Variants in SCAMP2 observed in about 807,000 individuals in gnomAD.
The protein encoded by SCAMP2 is secretory carrier-associated membrane protein 2.
In SCAMP2, 25 loss-of-function variants were observed where a neutral mutation model predicts 44.1. The observed-to-expected ratio is 0.57, with a 90% CI of 0.41 to 0.79. The LOEUF is 0.79. Among genes scored for constraint, SCAMP2 ranks in the 30% least tolerant of loss-of-function variants. The pLI is 0.00. For missense variants in SCAMP2, 355 were observed against 411.0 expected (o/e 0.86, Z 1.18); for synonymous variants, 156 against 166.0 (o/e 0.94, Z 0.46).
chr15:74,870,396 A>C (rs2064567786), intron 1 of SCAMP2, among the ~76,000 whole-genome samples: 1 of 152,198 alleles, frequency 6.6e-6, no homozygotes, highest in Non-Finnish European at 1.5e-5. Flanking sequence ...ACAGCAGCAG[A>C]CTTTTTATTT....
At position 74,844,780 on chromosome 15, in the gene SCAMP2, G is replaced by A; in HGVS notation, c.*303C>T. Reference sequence around the variant, plus strand: ...AGCCTGTGATCCCAACTGTGTGGGGGTGTCTGTGTGTGCACAGGACGAAGA... The same window carrying A: ...AGCCTGTGATCCCAACTGTGTGGGGATGTCTGTGTGTGCACAGGACGAAGA... On this transcript the variant is annotated 3_prime_UTR_variant, in exon 9 of 9. Transcript: ENST00000268099. The A allele has an allele frequency of 3.5e-6, 1 of 285,584 alleles. No individual in the cohort carries two copies. 17.7% of individuals were successfully genotyped at this position (285,584 alleles called of 1,614,324 possible).
At chr15:74,851,529 G>T (rs1294349168) in intron 4 of SCAMP2, 48 bp from the exon 5 acceptor site, 1 of 1,606,440 alleles carries the variant, frequency 6.2e-7, no homozygotes, top group African/African-American at 1.3e-5. Flanking sequence ...GCCTCAGAAG[G>T]GGCATCAAGG....
intron 1 of SCAMP2, among the ~76,000 whole-genome samples, chr15:74,862,292 C>CAAAAAAGA (rs1431645432): frequency 1.1e-5 from 1 of 87,648 alleles, no homozygotes; most frequent in Non-Finnish European, 2.5e-5. Context: ...AAAAAAAATT[C>CAAAAAAGA]CTGGCCAGGT....
chr15:74,850,803 C>G, intron 5 of SCAMP2, 130 bp from the exon 6 acceptor site: 1 of 887,650 alleles, frequency 1.1e-6, no homozygotes, highest in Non-Finnish European at 1.7e-6. Flanking sequence ...GGAGCCCGCT[C>G]TGTACCTAGG....
In SCAMP2 at chr15:74,873,270, A is replaced by T; in HGVS notation, c.-15T>A. 6.8e-7 allele frequency: 1 copy of T among 1,479,942 alleles called. No individual in the cohort carries two copies. Among genetic ancestry groups the T allele is most frequent in the South Asian group, 1.4e-5 (1 of 73,490 alleles). The allele number at this position is 1,479,942 out of a possible 1,614,324, so 91.7% of individuals were successfully genotyped here. A position where few individuals can be genotyped will look rare whatever the true frequency, so the allele number is the denominator to read the frequency against. On this transcript the variant is annotated 5_prime_UTR_variant, in exon 1 of 9. Transcript: ENST00000268099. Reference sequence around the variant, plus strand: ...AAAGCCGACATGGTGATCGGGGGCCAGCGGGCGAACTCCGCGAACGCTGCT... The same window carrying T: ...AAAGCCGACATGGTGATCGGGGGCCTGCGGGCGAACTCCGCGAACGCTGCT...
Position 74,873,196 on chromosome 15 carries a change from T to C in SCAMP2, c.57+3A>G. On this transcript the variant is annotated splice_donor_region_variant and intron_variant, in intron 1 of 8. Coordinates refer to ENST00000268099, the MANE Select transcript of SCAMP2 (RefSeq NM_005697.5). ...GAGCTGGATGGCGGGAGAGGGGCTC[T>C]ACCTGGAAGGGGTTTACATCCACTG... 1.4e-6 allele frequency: 2 copies of C among 1,440,248 alleles called. No individual in the cohort carries two copies. The highest frequency in any genetic ancestry group is 1.8e-6 in the Non-Finnish European group (2 of 1,101,996). 89.2% of individuals were successfully genotyped at this position (1,440,248 alleles called of 1,614,324 possible). A position where few individuals can be genotyped will look rare whatever the true frequency, so the allele number is the denominator to read the frequency against.
chr15:74,846,419 C>T (rs2141170005), intron 7 of SCAMP2, among the ~76,000 whole-genome samples: 1 of 146,778 alleles, frequency 6.8e-6, no homozygotes, highest in South Asian at 2.2e-4. Context: ...GCACTCCAGC[C>T]TGAGCAACAG....
Position 74,845,066 on chromosome 15 carries a change from G to A in SCAMP2, c.*17C>T, listed in dbSNP as rs2064387830. 1.9e-6 allele frequency: 3 copies of A among 1,608,856 alleles called. No individual in the cohort carries two copies. The highest frequency in any genetic ancestry group is 1.3e-5 in the African/African-American group (1 of 74,940). ...GGCAGGCGAGAGAAAGGCTGAGGGGGAGAGAAGAGAGGAGGACTAATTCCC... is the reference window on the plus strand; with the variant it reads ...GGCAGGCGAGAGAAAGGCTGAGGGGAAGAGAAGAGAGGAGGACTAATTCCC... On this transcript the variant is annotated 3_prime_UTR_variant, in exon 9 of 9. Transcript: ENST00000268099.
chr15:74,851,272 G>C, intron 5 of SCAMP2, 81 bp downstream of exon 5: 1 of 1,504,526 alleles, frequency 6.6e-7, no homozygotes, highest in South Asian at 1.2e-5. Flanking sequence ...GTATACCAGG[G>C]AGGAGCAGCC....
chr15:74,871,481 A>C lies in SCAMP2; in HGVS notation c.57+1718T>G, dbSNP rs542631893. 7.0e-4 allele frequency among the ~76,000 whole-genome samples: 107 copies of C among 152,134 alleles called. No individual in the cohort carries two copies. The Middle Eastern group carries it at 0.014, about 19-fold the overall frequency. ...AAAAGGAAGAAAGAGGGCTGGGCGC[A>C]GTGGTTCATGCCTGTAATCCCAGCA... On this transcript the variant is annotated intron_variant, in intron 1 of 8. Transcript: ENST00000268099.
At chr15:74,854,226 C>G in intron 2 of SCAMP2, 107 bp from the exon 3 acceptor site, 1 of 1,006,914 alleles carries the variant, frequency 9.9e-7, no homozygotes, top group Non-Finnish European at 1.5e-6. Flanking sequence ...TGTGAGGGGA[C>G]TCCCTCGGGG....
rs867033254 is a variant in SCAMP2, at chr15:74,851,419, C to T, written c.406G>A (p.Asp136Asn). 1.2e-6 allele frequency: 2 copies of T among 1,614,050 alleles called. No homozygotes were observed. The highest frequency in any genetic ancestry group is 8.5e-7 in the Non-Finnish European group (1 of 1,179,946). ...WCPVKPCFYQ[D>N]FSTEIPADYQ... Reference sequence around the variant, plus strand: ...TCGGCAGGGATCTCTGTGGAGAAATCCTGATAGAAGCAGGGCTTCACAGGG... The same window carrying T: ...TCGGCAGGGATCTCTGTGGAGAAATTCTGATAGAAGCAGGGCTTCACAGGG... The change falls in exon 5 of 9, where the codon GAT (aspartate) becomes AAT (asparagine). Residue 136 changes from aspartate to asparagine, a missense_variant. Asp to Asn is a conservative substitution (Grantham distance 23). Transcript: ENST00000268099.
chr15:74,855,488 G>A (rs182245411), intron 1 of SCAMP2, among the ~76,000 whole-genome samples: 9 of 152,112 alleles, frequency 5.9e-5, no homozygotes, highest in African/African-American at 1.7e-4. Context: ...AGGCTGAGGC[G>A]GGTGGATCAC....
intron 1 of SCAMP2, among the ~76,000 whole-genome samples, chr15:74,857,013 C>G (rs371988254): frequency 6.6e-6 from 1 of 152,336 alleles, no homozygotes; most frequent in African/African-American, 2.4e-5. Flanking sequence ...TGGGAGCTCT[C>G]TCCTTACTCT....
chr15:74,866,469 G>A lies in SCAMP2; in HGVS notation c.57+6730C>T, dbSNP rs565911676. 9.9e-5 allele frequency among the ~76,000 whole-genome samples: 15 copies of A among 152,128 alleles called. No homozygotes were observed. The South Asian group carries it at 1.7e-3, about 17-fold the overall frequency. ...CTCACACCTGTAATCCTAGCATTCCGGGAGACCGAGGTGGGTGGATCACCT... is the reference window on the plus strand; with the variant it reads ...CTCACACCTGTAATCCTAGCATTCCAGGAGACCGAGGTGGGTGGATCACCT... On this transcript the variant is annotated intron_variant, in intron 1 of 8. Transcript: ENST00000268099.
intron 1 of SCAMP2, among the ~76,000 whole-genome samples, chr15:74,865,331 A>C (rs1183083713): frequency 2.6e-5 from 4 of 151,062 alleles, no homozygotes; most frequent in African/African-American, 9.7e-5. Flanking sequence ...CAGTGAGCCA[A>C]GATAGCACCA....
rs146890568 is a variant in SCAMP2 at position 74,848,599 on chromosome 15, C to T, written c.734+1G>A. The T allele has an allele frequency of 6.3e-7, 1 of 1,591,004 alleles. No individual in the cohort carries two copies. Among genetic ancestry groups the T allele is most frequent in the Non-Finnish European group, 8.6e-7 (1 of 1,159,310 alleles). ...TTCCCTCTGTGATGCCCAGGTCTCA[C>T]CTGTCCCCCAGGCCAGGGATGCCAA... is the stretch of plus-strand genomic sequence containing the variant. On this transcript the variant is annotated splice_donor_variant, in intron 7 of 8. Transcript: ENST00000268099. LOFTEE classifies it high-confidence loss of function.
At position 74,844,211 on chromosome 15, in the gene SCAMP2, G is replaced by GGGA. The variant is rs2064368139; in HGVS notation, c.*871_*872insTCC. ...CGTCCCTCGGTTCGGGGAGGGGGGG[G>GGGA]GGTAGTCACAGCAAACAGGGCCAAA... On this transcript the variant is annotated 3_prime_UTR_variant, in exon 9 of 9. Transcript: ENST00000268099. The GGGA allele has an allele frequency of 6.8e-6, 1 of 147,468 alleles. No individual in the cohort carries two copies. The highest frequency in any genetic ancestry group is 2.1e-4 in the East Asian group (1 of 4,774). 9.1% of individuals were successfully genotyped at this position (147,468 alleles called of 1,614,324 possible). A position where few individuals can be genotyped will look rare whatever the true frequency, so the allele number is the denominator to read the frequency against.
chr15:74,850,531 G>A lies in SCAMP2; in HGVS notation c.615C>T (p.Pro205=), dbSNP rs2064428441. 6.2e-7 allele frequency: 1 copy of A among 1,613,868 alleles called. No homozygotes were observed. Among genetic ancestry groups the A allele is most frequent in the African/African-American group, 1.3e-5 (1 of 74,908 alleles). ...TPCAFLCWYR[P]IYKAFRSDNS... is the part of the protein sequence containing the mutation. ...TCACTCACCTAAAGGCCTTATAGAT[G>A]GGTCGGTACCAACAAAGGAAGGCAC... The change falls in exon 6 of 9, where the codon CCC becomes CCT. Residue 205 remains proline, a synonymous_variant. Coordinates refer to ENST00000268099, the MANE Select transcript of SCAMP2 (RefSeq NM_005697.5).
Sources: allele counts gnomAD v4.1 joint callset (sites outside exome capture counted in the v4.1 genomes callset), GRCh38; gene constraint gnomAD v4.1.1; transcripts MANE v1.5; gene names NCBI Gene and HGNC (gene_info 2026-07-23, HGNC 2026-07-21).